The following LPGAT1 variants were observed in gnomAD, a reference collection of about 807,000 sequenced individuals.
The protein encoded by LPGAT1 is acyl-CoA:lysophosphatidylglycerol acyltransferase 1.
LPGAT1 carries 11 observed loss-of-function variants against 47.5 expected under a neutral mutation model. The observed-to-expected ratio is 0.23, with a 90% confidence interval of 0.15 to 0.38. The LOEUF (loss-of-function observed/expected upper bound fraction) is 0.38. Among genes scored for constraint, LPGAT1 ranks in the 10% least tolerant of loss-of-function variants. The probability of loss-of-function intolerance (pLI) is 1.00; values close to 1 mark genes in which losing one functional copy is unlikely to be tolerated. For missense variants in LPGAT1, 293 were observed against 439.0 expected (o/e 0.67, Z 2.97); for synonymous variants, 138 against 144.2 (o/e 0.96, Z 0.31).
At chr1:211,819,922 T>C (rs1430901933) in intron 2 of LPGAT1, among the ~76,000 whole-genome samples, 2 of 150,684 alleles carry the variant, frequency 1.3e-5, no homozygotes, top group African/African-American at 2.4e-5. Flanking sequence ...AGGCAAGAGG[T>C]TGCAGTGAGC....
chr1:211,761,914 T>A (rs978365871), intron 6 of LPGAT1, among the ~76,000 whole-genome samples: 1 of 152,114 alleles, frequency 6.6e-6, no homozygotes, highest in African/African-American at 2.4e-5. Context: ...CTATCCACCA[T>A]CTTCTAAATC....
chr1:211,757,464 C>A (rs1385840945), intron 6 of LPGAT1, among the ~76,000 whole-genome samples: 5 of 152,156 alleles, frequency 3.3e-5, no homozygotes, highest in Admixed American at 3.3e-4. Flanking sequence ...ATGATAAACA[C>A]TCATACAAAT....
chr1:211,754,413 TC>T, intron 6 of LPGAT1, among the ~76,000 whole-genome samples: 1 of 152,284 alleles, frequency 6.6e-6, no homozygotes, highest in Non-Finnish European at 1.5e-5. Context: ...TTTTCCAACT[TC>T]CCAACTTTTG....
rs1659727252 is a variant in LPGAT1, at chr1:211,805,627, A to G, written c.239-12437T>C. ...CTCATCTAAGATGAATAGATAACCAATTTCTATCAAAGAAATTGATTTTAT... is the reference window on the plus strand; with the variant it reads ...CTCATCTAAGATGAATAGATAACCAGTTTCTATCAAAGAAATTGATTTTAT... On this transcript the variant is annotated intron_variant, in intron 2 of 7. Transcript: ENST00000366997. 2.0e-5 allele frequency among the ~76,000 whole-genome samples: 3 copies of G among 152,310 alleles called. No individual in the cohort carries two copies. The South Asian group carries it at 6.2e-4, about 32-fold the overall frequency.
At chr1:211,828,668 T>C (rs924106277) in intron 2 of LPGAT1, among the ~76,000 whole-genome samples, 5 of 152,214 alleles carry the variant, frequency 3.3e-5, no homozygotes, top group Non-Finnish European at 5.9e-5. Context: ...AGCACAAATA[T>C]GGTCCCATTC....
chr1:211,785,506 T>C (rs1399690145), intron 4 of LPGAT1, among the ~76,000 whole-genome samples: 1 of 152,164 alleles, frequency 6.6e-6, no homozygotes, highest in African/African-American at 2.4e-5. Context: ...ATATAATCTT[T>C]ATGTATGCAA....
At chr1:211,779,460 C>T (rs56034370) in intron 5 of LPGAT1, among the ~76,000 whole-genome samples, 13 of 152,026 alleles carry the variant, frequency 8.6e-5, no homozygotes, top group Non-Finnish European at 1.8e-4. Context: ...ATATAAACAC[C>T]AAGACTTATG....
At chr1:211,818,090 C>T (rs1336823347) in intron 2 of LPGAT1, among the ~76,000 whole-genome samples, 2 of 152,132 alleles carry the variant, frequency 1.3e-5, no homozygotes, top group Non-Finnish European at 2.9e-5. Flanking sequence ...CCGCCTTGGC[C>T]TTCCGAAGTG....
rs1386748596 is a variant in LPGAT1 at position 211,830,711 on chromosome 1, C to G, written c.-166G>C. The G allele has an allele frequency of 8.5e-7, 1 of 1,183,408 alleles. No individual in the cohort carries two copies. The highest frequency in any genetic ancestry group is 4.5e-5 in the Admixed American group (1 of 22,076). 73.3% of individuals were successfully genotyped at this position (1,183,408 alleles called of 1,614,324 possible). ...GCTGTGGCGCGGCCCGCGCCCGTTC[C>G]CCGGCGGCGCCGAGACTCGGTCCCC... On this transcript the variant is annotated 5_prime_UTR_variant, in exon 1 of 8. Transcript: ENST00000366997. This position sits in a 1 kb window ranked among gnomAD's most constrained non-coding sequence, Gnocchi z 5.9.
chr1:211,759,176 T>G (rs951963050), intron 6 of LPGAT1, among the ~76,000 whole-genome samples: 5 of 152,238 alleles, frequency 3.3e-5, no homozygotes, highest in African/African-American at 4.8e-5. Flanking sequence ...TTGGTGTCAA[T>G]GTTATGCTAT....
At chr1:211,821,469 T>C (rs767416108) in intron 2 of LPGAT1, among the ~76,000 whole-genome samples, 2 of 152,064 alleles carry the variant, frequency 1.3e-5, no homozygotes, top group African/African-American at 2.4e-5. Flanking sequence ...GCTGATAAAA[T>C]AGAATGTAAA....
chr1:211,793,864 A>C (rs1042090848), intron 2 of LPGAT1, among the ~76,000 whole-genome samples: 1 of 152,264 alleles, frequency 6.6e-6, no homozygotes, highest in Non-Finnish European at 1.5e-5. Context: ...GGAATGGACA[A>C]GAAAATTATG....
chr1:211,776,334 C>A (rs1285713418), intron 6 of LPGAT1, among the ~76,000 whole-genome samples: 1 of 152,038 alleles, frequency 6.6e-6, no homozygotes, highest in Non-Finnish European at 1.5e-5. Context: ...GTCAGGAGTT[C>A]GAGACCAGCC....
At chr1:211,755,273 C>T (rs926300992) in intron 6 of LPGAT1, among the ~76,000 whole-genome samples, 2 of 150,486 alleles carry the variant, frequency 1.3e-5, no homozygotes, top group Non-Finnish European at 3.0e-5. Flanking sequence ...AGGAGGTGGA[C>T]GTTGCAGTGA....
chr1:211,802,107 A>G (rs992140875), intron 2 of LPGAT1, among the ~76,000 whole-genome samples: 1 of 151,580 alleles, frequency 6.6e-6, no homozygotes, highest in Non-Finnish European at 1.5e-5. Context: ...AAAAAAGAGA[A>G]AAAAAGAAAG....
At chr1:211,787,495 A>C in intron 4 of LPGAT1, 137 bp downstream of exon 4, 1 of 406,926 alleles carries the variant, frequency 2.5e-6, no homozygotes. Flanking sequence ...CTCTCAAAAA[A>C]AAAAAAAAAA....
rs777325223 is a variant in LPGAT1 at position 211,746,882 on chromosome 1, T to C, written c.*3017A>G. 5.3e-5 allele frequency: 8 copies of C among 152,208 alleles called. No individual in the cohort carries two copies. The highest frequency in any genetic ancestry group is 8.8e-5 in the Non-Finnish European group (6 of 68,022). 9.4% of individuals were successfully genotyped at this position (152,208 alleles called of 1,614,324 possible). ...CCTGCTGGCTTGGTCACTTTTGCAG[T>C]GACTGGACCTGCCTGTGGCCAAGCA... On this transcript the variant is annotated 3_prime_UTR_variant, in exon 8 of 8. Transcript: ENST00000366997.
chr1:211,757,254 C>CAA (rs201385915), intron 6 of LPGAT1, among the ~76,000 whole-genome samples: 19 of 135,362 alleles, frequency 1.4e-4, no homozygotes, highest in Non-Finnish European at 1.6e-4. Flanking sequence ...AATTCTGTCT[C>CAA]AAAAAAAAAA....
At chr1:211,764,481 A>C (rs938950733) in intron 6 of LPGAT1, among the ~76,000 whole-genome samples, 2 of 152,242 alleles carry the variant, frequency 1.3e-5, no homozygotes, top group African/African-American at 4.8e-5. Context: ...AGAAATCCAG[A>C]AACTACTTGT....
Sources: allele counts gnomAD v4.1 joint callset (sites outside exome capture counted in the v4.1 genomes callset), GRCh38; gene constraint gnomAD v4.1.1; non-coding constraint Gnocchi (gnomAD v3.1); transcripts MANE v1.5; gene names NCBI Gene and HGNC (gene_info 2026-07-23, HGNC 2026-07-21).